The following RGS22 variants were observed in gnomAD, a reference collection of about 807,000 sequenced individuals.
The protein encoded by RGS22 is regulator of G-protein signaling 22.
In RGS22, 148 loss-of-function variants were observed where a neutral mutation model predicts 172.9. The observed-to-expected ratio is 0.86, with a 90% CI of 0.75 to 0.98. The LOEUF is 0.98. Among genes scored for constraint, RGS22 ranks in the 50% least tolerant of loss-of-function variants. The pLI, the probability that RGS22 is intolerant of heterozygous loss-of-function variation, is 0.00. For missense variants in RGS22, 1,347 were observed against 1,440.8 expected (o/e 0.93, Z 1.05); for synonymous variants, 458 against 480.2 (o/e 0.95, Z 0.60).
rs1812686948 is a variant in RGS22, at chr8:99,982,768, T to A, written c.3181-652A>T. Reference sequence around the variant, plus strand: ...CCTATTGTATTATCCTCTTTATAGATAACCTAAAATTAATGATCACACATT... The same window carrying A: ...CCTATTGTATTATCCTCTTTATAGAAAACCTAAAATTAATGATCACACATT... On this transcript the variant is annotated intron_variant, in intron 21 of 27. Transcript: ENST00000360863. 2.0e-5 allele frequency among the ~76,000 whole-genome samples: 3 copies of A among 152,324 alleles called. No homozygotes were observed. The South Asian group carries it at 6.2e-4, about 32-fold the overall frequency.
intron 3 of RGS22, among the ~76,000 whole-genome samples, chr8:100,091,004 C>A (rs1351351007): frequency 6.6e-6 from 1 of 151,904 alleles, no homozygotes; most frequent in Non-Finnish European, 1.5e-5. Context: ...CCCTAAAATA[C>A]CAGTCTATAA....
At chr8:99,968,188 T>C (rs1184567800) in intron 23 of RGS22, among the ~76,000 whole-genome samples, 1 of 151,276 alleles carries the variant, frequency 6.6e-6, no homozygotes, top group Non-Finnish European at 1.5e-5. Flanking sequence ...TAACATCACA[T>C]CAACAAAAAG....
intron 20 of RGS22, among the ~76,000 whole-genome samples, chr8:99,988,958 AT>A (rs1361338025): frequency 6.6e-6 from 1 of 152,188 alleles, no homozygotes; most frequent in Non-Finnish European, 1.5e-5. Context: ...CACTCAGCAA[AT>A]AATATTTTAA....
intron 14 of RGS22, among the ~76,000 whole-genome samples, chr8:100,014,922 T>C (rs1275205083): frequency 6.6e-6 from 1 of 152,218 alleles, no homozygotes; most frequent in Non-Finnish European, 1.5e-5. Context: ...TGTGTTCCCA[T>C]GGACCCTGTA....
intron 10 of RGS22, among the ~76,000 whole-genome samples, chr8:100,051,351 T>C (rs965766499): frequency 6.9e-6 from 1 of 145,982 alleles, no homozygotes; most frequent in Non-Finnish European, 1.5e-5. Flanking sequence ...AGAAGACCAC[T>C]GGAGAATTTT....
intron 6 of RGS22, among the ~76,000 whole-genome samples, chr8:100,070,086 G>A (rs1487110664): frequency 3.6e-5 from 5 of 137,250 alleles, no homozygotes; most frequent in Admixed American, 3.0e-4. Context: ...GAAAAATAAC[G>A]AATCTAAGTG....
chr8:99,981,076 G>A (rs1812498981), intron 22 of RGS22, among the ~76,000 whole-genome samples: 1 of 152,096 alleles, frequency 6.6e-6, no homozygotes, highest in Admixed American at 6.5e-5. Flanking sequence ...AATACCCTAA[G>A]TCTCTGTTTC....
chr8:99,996,111 G>T (rs963167306), intron 20 of RGS22, among the ~76,000 whole-genome samples: 2 of 151,504 alleles, frequency 1.3e-5, no homozygotes, highest in African/African-American at 2.4e-5. Flanking sequence ...GGGCCTGTTG[G>T]GGGGTGGGGG....
intron 14 of RGS22, among the ~76,000 whole-genome samples, chr8:100,038,099 C>T (rs1166320023): frequency 2.6e-5 from 4 of 152,132 alleles, no homozygotes; most frequent in African/African-American, 9.7e-5. Context: ...GGGAGGTCCT[C>T]TGGAATGCAG....
At chr8:100,103,095 A>G (rs1193169491) in intron 2 of RGS22, among the ~76,000 whole-genome samples, 1 of 152,248 alleles carries the variant, frequency 6.6e-6, no homozygotes, top group South Asian at 2.1e-4. Flanking sequence ...TAACAAGGTA[A>G]TGTTTTAAAA....
At position 100,042,010 on chromosome 8, in the gene RGS22, T is replaced by A. The variant is rs548367255; in HGVS notation, c.1824-94A>T. ...CACTTTTGGTATACATAGCACCGAA[T>A]CTCAAGAGTACTTCTGAGCAATGTG... On this transcript the variant is annotated intron_variant, in intron 11 of 27. Transcript: ENST00000360863. 174 of 678,444 alleles carry A rather than the reference T, an allele frequency of 2.6e-4. No homozygotes were observed. The African/African-American group carries it at 2.9e-3, about 11-fold the overall frequency. The allele number at this position is 678,444 out of a possible 1,614,324, so 42.0% of individuals were successfully genotyped here. A position where few individuals can be genotyped will look rare whatever the true frequency, so the allele number is the denominator to read the frequency against.
chr8:100,028,868 A>G (rs1408073227), intron 14 of RGS22, among the ~76,000 whole-genome samples: 1 of 152,210 alleles, frequency 6.6e-6, no homozygotes, highest in Non-Finnish European at 1.5e-5. Context: ...TATGGGCATA[A>G]CATGTGGCTG....
intron 14 of RGS22, among the ~76,000 whole-genome samples, chr8:100,010,418 G>A (rs866513875): frequency 3.9e-5 from 6 of 152,138 alleles, no homozygotes; most frequent in South Asian, 2.1e-4. Context: ...CCCAGGAGGC[G>A]GAGGTTGCAG....
At chr8:100,084,283 G>A (rs752016373) in intron 3 of RGS22, among the ~76,000 whole-genome samples, 78 of 152,292 alleles carry the variant, frequency 5.1e-4, no homozygotes, top group Non-Finnish European at 8.5e-4. Flanking sequence ...GCTTTAGGTT[G>A]TGCTACTCGT....
At chr8:100,093,645 TCACTATAAACTGAA>T in intron 2 of RGS22, 136 bp from the exon 3 acceptor site, 1 of 610,946 alleles carries the variant, frequency 1.6e-6, no homozygotes, top group Non-Finnish European at 2.9e-6. Flanking sequence ...CAGTGAACCC[TCACTATAAACTGAA>T]CACAGTTTAT....
chr8:99,982,025 G>C lies in RGS22; in HGVS notation c.3272C>G (p.Ala1091Gly), dbSNP rs1360224312. ...CTCTACTGGAATGTCAATTTGTAAAGCTGGTGGAATACTGGAATTAATAAA... is the reference window on the plus strand; with the variant it reads ...CTCTACTGGAATGTCAATTTGTAAACCTGGTGGAATACTGGAATTAATAAA... ...NCFINSSIPPALQIDIPVEQA... is the reference protein window; with the variant it reads ...NCFINSSIPPGLQIDIPVEQA... The change falls in exon 22 of 28, where the codon GCT (alanine) becomes GGT (glycine). Residue 1091 changes from alanine to glycine, a missense_variant. Ala to Gly is a moderately conservative substitution (Grantham distance 60). Transcript: ENST00000360863. 4 of 1,613,736 alleles carry C rather than the reference G, an allele frequency of 2.5e-6. No homozygotes were observed. In the African/African-American group the frequency reaches 5.3e-5, roughly 22 times the overall value.
rs964511311 is a variant in RGS22 at position 100,002,428 on chromosome 8, C to T, written c.2628-64G>A. ...TTCTTCCTCTAAATTCTAGTAAACA[C>T]CCGATTGTTGTTTTGACAGAACTTA... is the stretch of plus-strand genomic sequence containing the variant. On this transcript the variant is annotated intron_variant, in intron 17 of 27. Coordinates refer to ENST00000360863, the MANE Select transcript of RGS22 (RefSeq NM_015668.5). 17 of 1,479,462 alleles carry T rather than the reference C, an allele frequency of 1.1e-5. 1 individual carries two copies. The Middle Eastern group carries it at 2.4e-3, about 205-fold the overall frequency. 91.6% of individuals were successfully genotyped at this position (1,479,462 alleles called of 1,614,324 possible). A position where few individuals can be genotyped will look rare whatever the true frequency, so the allele number is the denominator to read the frequency against.
In RGS22 at chr8:100,050,050, C is replaced by CAA. The variant is rs35540779; in HGVS notation, c.1690-2456_1690-2455dup. Among the ~76,000 whole-genome samples, 831 of 131,722 alleles carry CAA rather than the reference C, an allele frequency of 6.3e-3. 7 individuals carry two copies. The highest frequency in any genetic ancestry group is 0.019 in the African/African-American group (668 of 35,116). The allele number at this position is 131,722 out of a possible 152,430, so 86.4% of individuals were successfully genotyped here. A position where few individuals can be genotyped will look rare whatever the true frequency, so the allele number is the denominator to read the frequency against. On this transcript the variant is annotated intron_variant, in intron 10 of 27. Transcript: ENST00000360863. ...GGCAACAAAAACGAAACTCCATCTCCAAAAAAAAAAAAAAGGAAAAAAAGA... is the reference window on the plus strand; with the variant it reads ...GGCAACAAAAACGAAACTCCATCTCCAAAAAAAAAAAAAAAAGGAAAAAAAGA...
At position 99,997,339 on chromosome 8, in the gene RGS22, C is replaced by T. The variant is rs1176021211; in HGVS notation, c.2950-809G>A. Among the ~76,000 whole-genome samples, 5 of 152,102 alleles carry T rather than the reference C, an allele frequency of 3.3e-5. No homozygotes were observed. The East Asian group carries it at 5.8e-4, about 18-fold the overall frequency. On this transcript the variant is annotated intron_variant, in intron 19 of 27. Transcript: ENST00000360863. ...TACAGTGATAAACATAATGAGGAAACGTGGTAAATAATATTAGCAAGCCAA... is the reference window on the plus strand; with the variant it reads ...TACAGTGATAAACATAATGAGGAAATGTGGTAAATAATATTAGCAAGCCAA...
Sources: allele counts gnomAD v4.1 joint callset (sites outside exome capture counted in the v4.1 genomes callset), GRCh38; gene constraint gnomAD v4.1.1; transcripts MANE v1.5; gene names NCBI Gene and HGNC (gene_info 2026-07-23, HGNC 2026-07-21).